Variants in C18orf54 observed in about 807,000 individuals in gnomAD.
The protein encoded by C18orf54 is chromosome 18 open reading frame 54.
Under a neutral mutation model 49.3 loss-of-function variants are expected in C18orf54, and 49 were observed. The observed-to-expected ratio is 0.99, with a 90% CI of 0.79 to 1.26. The LOEUF (loss-of-function observed/expected upper bound fraction) is 1.26, where lower values mean the gene tolerates loss of function less well. Ranked by LOEUF, C18orf54 falls within the 50% of genes most tolerant of loss-of-function variation. C18orf54 has a pLI of 0.00. For missense variants in C18orf54, 687 were observed against 620.6 expected, an observed-to-expected ratio of 1.11 and a Z score of -1.14; for synonymous variants, 211 against 216.6, an observed-to-expected ratio of 0.97 and a Z score of 0.23.
intron 6 of C18orf54, among the ~76,000 whole-genome samples, chr18:54,370,254 G>A (rs929454081): frequency 4.8e-5 from 7 of 147,306 alleles, no homozygotes; most frequent in Non-Finnish European, 1.0e-4. Context: ...TCCAGCCTGG[G>A]CAACAGAGCG....
intron 5 of C18orf54, 118 bp from the exon 6 acceptor site, chr18:54,365,601 T>C (rs2089364470): frequency 1.8e-6 from 1 of 545,212 alleles, no homozygotes; most frequent in Non-Finnish European, 3.3e-6. Flanking sequence ...ATCATATCCA[T>C]GATGATTATT....
rs2089284533 is a variant in C18orf54 at position 54,362,165 on chromosome 18, A to G, written c.806A>G (p.Asp269Gly). 1 of 1,536,078 alleles carries G rather than the reference A, an allele frequency of 6.5e-7. No individual in the cohort carries two copies. Among genetic ancestry groups the G allele is most frequent in the Admixed American group, 2.0e-5 (1 of 50,986 alleles). Residue 269 changes from aspartate (D) to glycine (G), a missense_variant, in exon 4 of 9, where the codon GAC (aspartate) becomes GGC (glycine). Physicochemically the swap from Asp to Gly is moderately conservative, Grantham distance 94. Transcript: ENST00000620105. ...FKYPVWLHNQ[D>G]LLPDANSQRV... is the part of the protein sequence containing the mutation. Reference sequence around the variant, plus strand: ...TACCCAGTCTGGCTGCACAATCAAGACTTGCTACCTGATGCAAATAGTCAA... The same window carrying G: ...TACCCAGTCTGGCTGCACAATCAAGGCTTGCTACCTGATGCAAATAGTCAA...
At position 54,361,816 on chromosome 18, in the gene C18orf54, A is replaced by G; in HGVS notation, c.457A>G (p.Lys153Glu). Reference protein sequence around the residue: ...GPSHRTSKKNKKCRGRLGSLD... With the variant: ...GPSHRTSKKNEKCRGRLGSLD... Reference sequence around the variant, plus strand: ...GAGTCACCGAACGAGCAAGAAAAACAAGAAATGCCGTGGAAGACTGGGTTC... The same window carrying G: ...GAGTCACCGAACGAGCAAGAAAAACGAGAAATGCCGTGGAAGACTGGGTTC... Residue 153 changes from lysine to glutamate, a missense_variant, in exon 4 of 9, where the codon AAG becomes GAG. Physicochemically the swap from Lys to Glu is moderately conservative, Grantham distance 56. Coordinates refer to ENST00000620105, the MANE Select transcript of C18orf54 (RefSeq NM_001288980.2). 1 of 1,614,114 alleles carries G rather than the reference A, an allele frequency of 6.2e-7. No individual in the cohort carries two copies. Among genetic ancestry groups the G allele is most frequent in the Non-Finnish European group, 8.5e-7 (1 of 1,179,982 alleles).
Position 54,378,185 on chromosome 18 carries a change from A to G in C18orf54, c.1541A>G (p.His514Arg). 6 of 1,613,388 alleles carry G rather than the reference A, an allele frequency of 3.7e-6. No homozygotes were observed. The highest frequency in any genetic ancestry group is 4.2e-6 in the Non-Finnish European group (5 of 1,179,608). ...ITRSLQKALH[H>R]LSRLRDLVDD... ...ACTTTTTAATGAAGGGCTTTGCACC[A>G]TTTATCTCGCCTGAGAGACCTGGTT... Residue 514 changes from histidine (H) to arginine (R), a missense_variant, in exon 9 of 9, where the codon CAT (histidine) becomes CGT (arginine). Coordinates refer to ENST00000620105, the MANE Select transcript of C18orf54 (RefSeq NM_001288980.2).
intron 4 of C18orf54, among the ~76,000 whole-genome samples, 162 bp from the exon 5 acceptor site, chr18:54,362,609 C>T (rs1657908): frequency 2.5e-4 from 38 of 152,222 alleles, no homozygotes; most frequent in African/African-American, 7.9e-4. Context: ...TGTCTTTTCT[C>T]CCATTTTTTT....
At position 54,361,059 on chromosome 18, in the gene C18orf54, A is replaced by G. The variant is rs190905931; in HGVS notation, c.283+204A>G. ...ACAAGATGTTAAGAGTTTGTCCATA[A>G]TAAAGCTTCCTTGAAGACAAGTTTG... On this transcript the variant is annotated intron_variant, in intron 3 of 8. Coordinates refer to ENST00000620105, the MANE Select transcript of C18orf54 (RefSeq NM_001288980.2). Among the ~76,000 whole-genome samples the G allele has an allele frequency of 1.2e-3, 190 of 152,336 alleles. 1 individual carries two copies. The highest frequency in any genetic ancestry group is 2.3e-3 in the Non-Finnish European group (154 of 68,026).
At chr18:54,361,602 A>G (rs1209537294) in intron 3 of C18orf54, 41 bp from the exon 4 acceptor site, 4 of 1,471,020 alleles carry the variant, frequency 2.7e-6, no homozygotes, top group Non-Finnish European at 3.7e-6. Flanking sequence ...ATATTATAAA[A>G]TATTTGTATG....
rs1339007762 is a variant in C18orf54, at chr18:54,381,068, A to G, written c.*2822A>G. The G allele has an allele frequency of 6.6e-6, 1 of 152,274 alleles. No individual in the cohort carries two copies. The highest frequency in any genetic ancestry group is 2.4e-5 in the African/African-American group (1 of 41,564). The allele number at this position is 152,274 out of a possible 1,614,324, so 9.4% of individuals were successfully genotyped here. A position where few individuals can be genotyped will look rare whatever the true frequency, so the allele number is the denominator to read the frequency against. ...AATTGGATATTTCATGCCTAATTAA[A>G]TGTTGCGTTGGATTGCAGTGCCTAT... On this transcript the variant is annotated 3_prime_UTR_variant, in exon 9 of 9. Coordinates refer to ENST00000620105, the MANE Select transcript of C18orf54 (RefSeq NM_001288980.2).
Position 54,360,555 on chromosome 18 carries a change from A to G in C18orf54, c.-18A>G, listed in dbSNP as rs200997925. The G allele has an allele frequency of 6.2e-7, 1 of 1,611,030 alleles. No homozygotes were observed. Among genetic ancestry groups the G allele is most frequent in the East Asian group, 2.2e-5 (1 of 44,852 alleles). On this transcript the variant is annotated 5_prime_UTR_variant, in exon 3 of 9. Transcript: ENST00000620105. The stretch of plus-strand genomic sequence containing the variant: ...TTTTTAAGGGAAATGAATAGAAACA[A>G]TCCACTTTGAAGAAGCCATGGCGAA...
rs1298983659 is a variant in C18orf54, at chr18:54,381,013, A to G, written c.*2767A>G. 6.6e-6 allele frequency: 1 copy of G among 152,290 alleles called. No homozygotes were observed. Among genetic ancestry groups the G allele is most frequent in the African/African-American group, 2.4e-5 (1 of 41,572 alleles). 9.4% of individuals were successfully genotyped at this position (152,290 alleles called of 1,614,324 possible). A position where few individuals can be genotyped will look rare whatever the true frequency, so the allele number is the denominator to read the frequency against. On this transcript the variant is annotated 3_prime_UTR_variant, in exon 9 of 9. Coordinates refer to ENST00000620105, the MANE Select transcript of C18orf54 (RefSeq NM_001288980.2). ...GCACTTGAAGTTTCTTCAAATGTGCAAGACTGTGTGTCTTCCTATTAGATG... is the reference window on the plus strand; with the variant it reads ...GCACTTGAAGTTTCTTCAAATGTGCGAGACTGTGTGTCTTCCTATTAGATG...
chr18:54,365,692 A>G (rs376096474), intron 5 of C18orf54, 27 bp from the exon 6 acceptor site: 196 of 1,382,106 alleles, frequency 1.4e-4, no homozygotes, highest in Middle Eastern at 7.3e-4. Flanking sequence ...CTTAATTGCT[A>G]TCTTGCATCC....
At position 54,360,778 on chromosome 18, in the gene C18orf54, G is replaced by A. The variant is rs754983477; in HGVS notation, c.206G>A (p.Ser69Asn). ...FDLGQIYPGA[S>N]TGKINIDEDF... is the part of the protein sequence containing the mutation. ...CTAGGCCAAATATATCCTGGTGCAA[G>A]CACTGGAAAAATTAACATTGATGAG... The change falls in exon 3 of 9, where the codon AGC becomes AAC. Residue 69 changes from serine (S) to asparagine (N), a missense_variant. Transcript: ENST00000620105. 1.9e-6 allele frequency: 3 copies of A among 1,613,572 alleles called. No homozygotes were observed. In the Admixed American group the frequency reaches 5.0e-5, roughly 27 times the overall value.
At chr18:54,374,309 T>G in intron 8 of C18orf54, 25 bp downstream of exon 8, 1 of 1,540,670 alleles carries the variant, frequency 6.5e-7, no homozygotes, top group East Asian at 2.3e-5. Flanking sequence ...CTAATATGGA[T>G]ACAAATCCAT....
At chr18:54,360,376 CAA>C (rs1204651788) in intron 2 of C18orf54, among the ~76,000 whole-genome samples, 149 bp from the exon 3 acceptor site, 1 of 152,018 alleles carries the variant, frequency 6.6e-6, no homozygotes, top group Non-Finnish European at 1.5e-5. Context: ...ATAAATATAA[CAA>C]AAATCTACAA....
In C18orf54 at chr18:54,362,937, T is replaced by C. The variant is rs374155660; in HGVS notation, c.1223+16T>C. On this transcript the variant is annotated intron_variant, in intron 5 of 8. Coordinates refer to ENST00000620105, the MANE Select transcript of C18orf54 (RefSeq NM_001288980.2). The stretch of plus-strand genomic sequence containing the variant: ...CTGTTACTTTGTAAGTAAGTGGCAA[T>C]GGAAAAACTGTTTAGTTTTCCAAAT... 4 of 1,577,122 alleles carry C rather than the reference T, an allele frequency of 2.5e-6. No individual in the cohort carries two copies. Among genetic ancestry groups the C allele is most frequent in the African/African-American group, 1.4e-5 (1 of 72,632 alleles).
rs79709323 is a variant in C18orf54, at chr18:54,367,934, C to T, written c.1326+2113C>T. 3.8e-3 allele frequency among the ~76,000 whole-genome samples: 578 copies of T among 152,042 alleles called. 3 individuals carry two copies. Among genetic ancestry groups the T allele is most frequent in the African/African-American group, 0.012 (513 of 41,490 alleles). ...ATTTCAAATGACTTATCCTCAAGTT[C>T]GGAGATTCTTTTGTCTATTTGATGA... On this transcript the variant is annotated intron_variant, in intron 6 of 8. Transcript: ENST00000620105.
At position 54,379,334 on chromosome 18, in the gene C18orf54, A is replaced by G. The variant is rs1044478895; in HGVS notation, c.*1088A>G. The stretch of plus-strand genomic sequence containing the variant: ...AGTACTGTGTGTATGTATAACTACT[A>G]CAGGTTAACACTTCACCCAAATGAT... On this transcript the variant is annotated 3_prime_UTR_variant, in exon 9 of 9. Coordinates refer to ENST00000620105, the MANE Select transcript of C18orf54 (RefSeq NM_001288980.2). The G allele has an allele frequency of 6.6e-6, 1 of 152,100 alleles. No homozygotes were observed. The highest frequency in any genetic ancestry group is 2.1e-4 in the South Asian group (1 of 4,828). The allele number at this position is 152,100 out of a possible 1,614,324, so 9.4% of individuals were successfully genotyped here.
rs7234566 is a variant in C18orf54 at position 54,357,945 on chromosome 18, G to C, written c.-274G>C. 2.6e-5 allele frequency: 4 copies of C among 152,322 alleles called. No homozygotes were observed. Among genetic ancestry groups the C allele is most frequent in the African/African-American group, 9.7e-5 (4 of 41,370 alleles). The allele number at this position is 152,322 out of a possible 1,614,324, so 9.4% of individuals were successfully genotyped here. On this transcript the variant is annotated 5_prime_UTR_variant, in exon 1 of 9. Transcript: ENST00000620105. ...GTTTGAAAGCGAGCGCGGGTGTCGA[G>C]CTCTGCTGTGACTGCGGAGGAAGCT...
In C18orf54 at chr18:54,378,165, T is replaced by C. The variant is rs769696402; in HGVS notation, c.1530-9T>C. ...TGGTTTATAATGTGTTTTATACTTT[T>C]TAATGAAGGGCTTTGCACCATTTAT... On this transcript the variant is annotated splice_polypyrimidine_tract_variant and intron_variant, in intron 8 of 8. Coordinates refer to ENST00000620105, the MANE Select transcript of C18orf54 (RefSeq NM_001288980.2). The C allele has an allele frequency of 6.8e-6, 11 of 1,610,314 alleles. No individual in the cohort carries two copies. Among genetic ancestry groups the C allele is most frequent in the African/African-American group, 6.7e-5 (5 of 74,928 alleles).
Sources: allele counts gnomAD v4.1 joint callset (sites outside exome capture counted in the v4.1 genomes callset), GRCh38; gene constraint gnomAD v4.1.1; transcripts MANE v1.5; gene names NCBI Gene and HGNC (gene_info 2026-07-23, HGNC 2026-07-21).